SOAT1: variants seen among roughly 807,000 people sequenced by gnomAD.
SOAT1 encodes the protein acyl-coenzyme A:cholesterol acyltransferase 1.
A neutral mutation model predicts 69.5 loss-of-function variants in SOAT1; 55 were observed. The ratio of observed to expected loss-of-function variants is 0.79; its 90% CI spans 0.64 to 0.99. SOAT1 has a LOEUF of 0.99. SOAT1 is among the 50% of genes least tolerant of loss of function. The pLI is 0.00. For missense variants in SOAT1, 580 were observed against 669.3 expected, an observed-to-expected ratio of 0.87 and a Z score of 1.47; for synonymous variants, 231 against 224.7, an observed-to-expected ratio of 1.03 and a Z score of -0.25.
intron 4 of SOAT1, among the ~76,000 whole-genome samples, chr1:179,336,334 A>ACGCCTGTCGTC (rs1157226760): frequency 6.6e-6 from 1 of 150,388 alleles, no homozygotes; most frequent in African/African-American, 2.5e-5. Flanking sequence ...GTGGTCGTGC[A>ACGCCTGTCGTC]CGCCTGTCGT....
At chr1:179,294,166 T>C (rs1013182865) in intron 1 of SOAT1, among the ~76,000 whole-genome samples, 3 of 152,184 alleles carry the variant, frequency 2.0e-5, no homozygotes, top group Admixed American at 6.5e-5. Flanking sequence ...TGCACGCTGG[T>C]TTGGTGTTCC....
intron 2 of SOAT1, among the ~76,000 whole-genome samples, chr1:179,305,414 ATT>A (rs35559773): frequency 0.47 from 71,161 of 149,898 alleles, 17,674 homozygotes; most frequent in East Asian, 0.84. Flanking sequence ...TCAGTACTTC[ATT>A]TTTTTTTTTT....
chr1:179,323,878 G>T (rs1297456794), intron 3 of SOAT1, among the ~76,000 whole-genome samples: 1 of 152,170 alleles, frequency 6.6e-6, no homozygotes, highest in East Asian at 1.9e-4. Flanking sequence ...TGTCAAGGAA[G>T]TAGAAATAAC....
intron 1 of SOAT1, among the ~76,000 whole-genome samples, chr1:179,297,313 A>G (rs1434245250): frequency 6.6e-6 from 1 of 152,084 alleles, no homozygotes; most frequent in African/African-American, 2.4e-5. Flanking sequence ...ATGTCCCCCA[A>G]TTGTGAAATA....
In SOAT1 at chr1:179,321,951, C is replaced by T. The variant is rs114056589; in HGVS notation, c.119-1486C>T. On this transcript the variant is annotated intron_variant, in intron 2 of 15. Coordinates refer to ENST00000367619, the MANE Select transcript of SOAT1 (RefSeq NM_003101.6). ...AGGCTGGAGTGCAGTGGTGCGATCA[C>T]GCTCACTGCAGGCTCAAATTCTTGG... Among the ~76,000 whole-genome samples, 1,091 of 151,696 alleles carry T rather than the reference C, an allele frequency of 7.2e-3. 12 individuals are homozygous for T. Among genetic ancestry groups the T allele is most frequent in the African/African-American group, 0.024 (991 of 41,352 alleles).
rs540962887 is a variant in SOAT1, at chr1:179,355,228, G to A, written c.*1587G>A. 1 of 152,254 alleles carries A rather than the reference G, an allele frequency of 6.6e-6. No homozygotes were observed. Among genetic ancestry groups the A allele is most frequent in the South Asian group, 2.1e-4 (1 of 4,824 alleles). 9.4% of individuals were successfully genotyped at this position (152,254 alleles called of 1,614,324 possible). The stretch of plus-strand genomic sequence containing the variant: ...GCACAACAGTATTGTAATTGTAATG[G>A]AATCATAACCTGCTAACTAGTTTGC... On this transcript the variant is annotated 3_prime_UTR_variant, in exon 16 of 16. Transcript: ENST00000367619.
chr1:179,310,942 CT>C (rs1175742031), intron 2 of SOAT1, among the ~76,000 whole-genome samples: 1 of 151,594 alleles, frequency 6.6e-6, no homozygotes, highest in Admixed American at 6.6e-5. Context: ...GTTGGCTGTC[CT>C]TTTTTTTTCT....
intron 5 of SOAT1, among the ~76,000 whole-genome samples, chr1:179,338,650 C>T (rs1244051233): frequency 2.0e-5 from 3 of 151,994 alleles, no homozygotes; most frequent in Non-Finnish European, 2.9e-5. Context: ...GGGGAAAACG[C>T]AGGCTTTTCA....
At chr1:179,337,716 G>A (rs1432944568) in intron 4 of SOAT1, 121 bp from the exon 5 acceptor site, 3 of 625,488 alleles carry the variant, frequency 4.8e-6, no homozygotes, top group African/African-American at 3.7e-5. Flanking sequence ...TCCTAGTAGT[G>A]AAAAGGTCAT....
At chr1:179,353,219 A>ATAAATATATATATT (rs1666805229) in intron 15 of SOAT1, among the ~76,000 whole-genome samples, 1 of 121,336 alleles carries the variant, frequency 8.2e-6, no homozygotes, top group Non-Finnish European at 1.7e-5. Context: ...ATATATATAT[A>ATAAATATATATATT]TATATCTATT....
chr1:179,353,111 A>G (rs1666788444), intron 15 of SOAT1, among the ~76,000 whole-genome samples: 1 of 131,274 alleles, frequency 7.6e-6, no homozygotes, highest in Non-Finnish European at 1.6e-5. Context: ...GTGTATATAT[A>G]ATATATATTT....
At chr1:179,305,018 G>A (rs1664955735) in intron 2 of SOAT1, among the ~76,000 whole-genome samples, 1 of 152,090 alleles carries the variant, frequency 6.6e-6, no homozygotes, top group African/African-American at 2.4e-5. Context: ...CAATTCAGTG[G>A]TTGCTAATAT....
chr1:179,312,678 A>G (rs1334328576), intron 2 of SOAT1, among the ~76,000 whole-genome samples: 6 of 152,218 alleles, frequency 3.9e-5, no homozygotes, highest in African/African-American at 1.4e-4. Context: ...ATCTAAGAGC[A>G]GAGAGTAAGG....
intron 7 of SOAT1, 65 bp downstream of exon 7, chr1:179,341,375 C>G: frequency 7.2e-7 from 1 of 1,396,854 alleles, no homozygotes; most frequent in Non-Finnish European, 9.9e-7. Context: ...ATGATGATGA[C>G]ATACTGATAC....
chr1:179,327,005 A>C (rs1328380150), intron 3 of SOAT1, among the ~76,000 whole-genome samples: 1 of 152,244 alleles, frequency 6.6e-6, no homozygotes, highest in Admixed American at 6.5e-5. Flanking sequence ...CAGATGAGCC[A>C]GTAGGAGAAG....
intron 2 of SOAT1, among the ~76,000 whole-genome samples, chr1:179,318,314 A>C (rs1265674653): frequency 2.0e-5 from 3 of 152,106 alleles, no homozygotes; most frequent in Admixed American, 6.6e-5. Flanking sequence ...ACTGTCTCTA[A>C]ATCTGTGACA....
chr1:179,304,281 T>C (rs1442917985), intron 2 of SOAT1, among the ~76,000 whole-genome samples: 1 of 134,772 alleles, frequency 7.4e-6, no homozygotes, highest in Non-Finnish European at 1.6e-5. Flanking sequence ...CTTTCTCTCC[T>C]TTTTTTTTTT....
intron 2 of SOAT1, among the ~76,000 whole-genome samples, chr1:179,315,926 C>G (rs895601431): frequency 2.0e-5 from 3 of 152,156 alleles, no homozygotes; most frequent in Non-Finnish European, 2.9e-5. Flanking sequence ...ATGGTCTGGT[C>G]ATAGAACTAA....
chr1:179,323,402 A>G (rs760803677), intron 2 of SOAT1, 35 bp from the exon 3 acceptor site: 2 of 1,584,852 alleles, frequency 1.3e-6, no homozygotes, highest in African/African-American at 1.3e-5. Context: ...AGCTGTATCC[A>G]TCAACTTAAA....
Sources: gnomAD v4.1 joint callset for allele counts (sites outside exome capture counted in the v4.1 genomes callset) on GRCh38, gnomAD v4.1.1 for gene constraint, MANE v1.5 for transcripts, NCBI Gene and HGNC (gene_info 2026-07-23, HGNC 2026-07-21) for gene names.